The following MPP7 variants were observed in gnomAD, a reference collection of about 807,000 sequenced individuals.
MPP7 encodes the protein MAGUK p55 scaffold protein 7.
A neutral mutation model predicts 76.5 loss-of-function variants in MPP7; 60 were observed. The ratio of observed to expected loss-of-function variants is 0.78; its 90% CI spans 0.64 to 0.97. The LOEUF (loss-of-function observed/expected upper bound fraction) is 0.97, where lower values mean the gene tolerates loss of function less well. Among genes scored for constraint, MPP7 ranks in the 50% least tolerant of loss-of-function variants. The pLI is 0.00. For missense variants in MPP7, 641 were observed against 694.0 expected, an observed-to-expected ratio of 0.92 and a Z score of 0.86; for synonymous variants, 237 against 244.5, an observed-to-expected ratio of 0.97 and a Z score of 0.29.
intron 1 of MPP7, among the ~76,000 whole-genome samples, chr10:28,279,937 A>ACATGTC (rs1320261943): frequency 6.6e-6 from 1 of 152,086 alleles, no homozygotes; most frequent in Non-Finnish European, 1.5e-5. Flanking sequence ...GAGCCAAGGT[A>ACATGTC]AGAACTTGAT....
At chr10:28,293,798 T>C (rs976000457) in intron 1 of MPP7, among the ~76,000 whole-genome samples, 6 of 152,136 alleles carry the variant, frequency 3.9e-5, no homozygotes, top group African/African-American at 1.4e-4. Flanking sequence ...CTTACCCTCA[T>C]AGGGTTTATG....
chr10:28,317,005 G>T lies in MPP7; in HGVS notation c.-132+12924C>A, dbSNP rs548365103. 8.3e-4 allele frequency among the ~76,000 whole-genome samples: 127 copies of T among 152,180 alleles called. 1 individual carries two copies. The highest frequency in any genetic ancestry group is 2.9e-3 in the African/African-American group (119 of 41,514). On this transcript the variant is annotated intron_variant, in intron 2 of 11. Transcript: ENST00000441595. ...GCTGTACCCACGCATGTATGTAAGT[G>T]ATCATTTTCATAAAAGGGGGAAGAA...
chr10:28,099,765 C>A (rs1328864190), intron 11 of MPP7, among the ~76,000 whole-genome samples: 1 of 152,018 alleles, frequency 6.6e-6, no homozygotes, highest in Non-Finnish European at 1.5e-5. Context: ...CAAGATCGTG[C>A]CATTGCACTC....
In MPP7 at chr10:28,329,625, C is replaced by G. The variant is rs372236183; in HGVS notation, c.-132+304G>C. 8.9e-3 allele frequency among the ~76,000 whole-genome samples: 760 copies of G among 85,360 alleles called. 11 individuals are homozygous for G. The highest frequency in any genetic ancestry group is 0.038 in the African/African-American group (742 of 19,278). 56.0% of individuals were successfully genotyped at this position (85,360 alleles called of 152,430 possible). ...CAGCCTGGGCAACAGAGCGAGACTC[C>G]GTCTCAAAAAAAAAAAAAAAAAAAA... On this transcript the variant is annotated intron_variant, in intron 2 of 11. Coordinates refer to the MPP7 transcript ENST00000441595.
intron 3 of MPP7, among the ~76,000 whole-genome samples, chr10:28,185,946 C>T (rs1837221116): frequency 6.6e-6 from 1 of 152,178 alleles, no homozygotes; most frequent in African/African-American, 2.4e-5. Context: ...AGCCTCCACA[C>T]AGCCTTGACA....
chr10:28,162,467 G>A (rs763136547), intron 3 of MPP7, among the ~76,000 whole-genome samples: 1 of 152,054 alleles, frequency 6.6e-6, no homozygotes, highest in Non-Finnish European at 1.5e-5. Context: ...CTGAATCATC[G>A]TATTCTTCTA....
intron 1 of MPP7, among the ~76,000 whole-genome samples, chr10:28,300,538 T>C (rs1424851873): frequency 6.6e-6 from 1 of 152,218 alleles, no homozygotes; most frequent in East Asian, 1.9e-4. Context: ...AAATAAATGC[T>C]GGGCTAGAGT....
chr10:28,321,536 C>T (rs940235993), intron 2 of MPP7, among the ~76,000 whole-genome samples: 2 of 152,126 alleles, frequency 1.3e-5, no homozygotes, highest in Non-Finnish European at 2.9e-5. Flanking sequence ...AGTCAAAACC[C>T]TTCACTGTCA....
chr10:28,093,429 A>C (rs1853413476), intron 11 of MPP7, among the ~76,000 whole-genome samples: 1 of 151,486 alleles, frequency 6.6e-6, no homozygotes. Context: ...AAATTCACTT[A>C]AGTTTTTACT....
chr10:28,200,766 A>G (rs563459710), intron 3 of MPP7, among the ~76,000 whole-genome samples: 1 of 152,216 alleles, frequency 6.6e-6, no homozygotes, highest in Non-Finnish European at 1.5e-5. Context: ...CTGTAAACAG[A>G]TATTATAACT....
intron 12 of MPP7, among the ~76,000 whole-genome samples, chr10:28,070,524 TAATAA>T (rs1427211003): frequency 6.6e-6 from 1 of 152,242 alleles, no homozygotes; most frequent in East Asian, 1.9e-4. Context: ...TTTTAAGTGT[TAATAA>T]AACAAAACCT....
intron 13 of MPP7, among the ~76,000 whole-genome samples, chr10:28,063,298 A>G (rs1024133216): frequency 6.6e-6 from 1 of 151,946 alleles, no homozygotes; most frequent in Non-Finnish European, 1.5e-5. Context: ...CACCTCTACT[A>G]TAAATATAAA....
chr10:28,133,383 T>G (rs976317337), intron 5 of MPP7, among the ~76,000 whole-genome samples: 2 of 152,168 alleles, frequency 1.3e-5, no homozygotes, highest in Admixed American at 6.5e-5. Context: ...TCCTCCTCAT[T>G]CAACTTGAAT....
intron 4 of MPP7, among the ~76,000 whole-genome samples, chr10:28,149,027 A>G (rs1835796954): frequency 6.6e-6 from 1 of 152,232 alleles, no homozygotes; most frequent in Non-Finnish European, 1.5e-5. Flanking sequence ...CTTTGTAGAT[A>G]AAAACAAAAA....
chr10:28,124,916 G>T, intron 7 of MPP7, 94 bp downstream of exon 7: 1 of 992,900 alleles, frequency 1.0e-6, no homozygotes, highest in Non-Finnish European at 1.6e-6. Flanking sequence ...TGCTGTATTA[G>T]ATCCAAAGAT....
chr10:28,097,738 G>A (rs1293704612), intron 11 of MPP7, among the ~76,000 whole-genome samples: 1 of 152,108 alleles, frequency 6.6e-6, no homozygotes, highest in Non-Finnish European at 1.5e-5. Context: ...GATAGAAGAC[G>A]TTTTCCAAAT....
intron 3 of MPP7, among the ~76,000 whole-genome samples, chr10:28,171,406 GTC>G (rs1836677435): frequency 6.6e-6 from 1 of 152,158 alleles, no homozygotes; most frequent in Admixed American, 6.5e-5. Context: ...TGTGGGAAAA[GTC>G]TATTTTCCTT....
intron 2 of MPP7, among the ~76,000 whole-genome samples, chr10:28,314,620 C>T (rs1841308568): frequency 6.6e-6 from 1 of 152,184 alleles, no homozygotes. Context: ...GATTGGAACA[C>T]TGAATGACAA....
Position 28,054,176 on chromosome 10 carries a change from G to T in MPP7, c.1620C>A (p.Asp540Glu). 1 of 1,605,284 alleles carries T rather than the reference G, an allele frequency of 6.2e-7. No individual in the cohort carries two copies. ...TGAGGTCATCATTTATTATAATTTT[G>T]TCAAAAAGATGACCATATTGACTTT... ...IMESQYGHLF[D>E]KIIINDDLTV... The change falls in exon 17 of 17, where the codon GAC becomes GAA. Residue 540 changes from aspartate to glutamate, a missense_variant. Transcript: ENST00000683449.
Sources: allele counts gnomAD v4.1 joint callset (sites outside exome capture counted in the v4.1 genomes callset), GRCh38; gene constraint gnomAD v4.1.1; transcripts MANE v1.5; gene names NCBI Gene and HGNC (gene_info 2026-07-23, HGNC 2026-07-21).